RTN2: variants seen among roughly 807,000 people sequenced by gnomAD.
RTN2 encodes reticulon-2.
In RTN2, 36 loss-of-function variants were observed where a neutral mutation model predicts 63.7. That is an observed-to-expected ratio of 0.56 (90% CI 0.43 to 0.75). RTN2 has a LOEUF of 0.75. Among genes scored for constraint, RTN2 ranks in the 30% least tolerant of loss-of-function variants. The pLI is 0.00. For missense variants in RTN2, 673 were observed against 705.1 expected (o/e 0.95, Z 0.52); for synonymous variants, 312 against 313.0 (o/e 1.00, Z 0.03).
At position 45,486,076 on chromosome 19, in the gene RTN2, T is replaced by C. The variant is rs1272372658; in HGVS notation, c.1535A>G (p.Gln512Arg). 3 of 1,613,986 alleles carry C rather than the reference T, an allele frequency of 1.9e-6. No individual in the cohort carries two copies. In the Admixed American group the frequency reaches 5.0e-5, roughly 27 times the overall value. ...TTACTTAGCTTTGATGTGGCTCAAC[T>C]GATTGGTCACCAACCCCACATATTG... is the stretch of plus-strand genomic sequence containing the variant. ...IDQYVGLVTN[Q>R]LSHIKAKIRA... is the part of the protein sequence containing the mutation. The change falls in exon 10 of 11, where the codon CAG (glutamine) becomes CGG (arginine). Residue 512 changes from glutamine (Q) to arginine (R), a missense_variant. Gln to Arg is a conservative substitution (Grantham distance 43). Coordinates refer to ENST00000245923, the MANE Select transcript of RTN2 (RefSeq NM_005619.5).
At position 45,486,109 on chromosome 19, in the gene RTN2, T is replaced by G; in HGVS notation, c.1502A>C (p.Gln501Pro). The G allele has an allele frequency of 1.2e-6, 2 of 1,614,002 alleles. No individual in the cohort carries two copies. The highest frequency in any genetic ancestry group is 1.7e-6 in the Non-Finnish European group (2 of 1,179,920). ...CACCAACCCCACATATTGGTCGATC[T>G]GAGCCTGGGGAGACCAAAGAAAGGT... ...IPLLYRQHQAQIDQYVGLVTN... is the reference protein window; with the variant it reads ...IPLLYRQHQAPIDQYVGLVTN... Residue 501 changes from glutamine (Q) to proline (P), a missense_variant, in exon 10 of 11, where the codon CAG becomes CCG. Transcript: ENST00000245923.
At position 45,485,519 on chromosome 19, in the gene RTN2, A is replaced by T. The variant is rs781226645; in HGVS notation, c.*189T>A. On this transcript the variant is annotated 3_prime_UTR_variant, in exon 11 of 11. Coordinates refer to ENST00000245923, the MANE Select transcript of RTN2 (RefSeq NM_005619.5). ...CGTCTTTCCTGGACTCCTGGAGCAG[A>T]GCCTCTTGGGAAATGTAGTCCTGGT... The T allele has an allele frequency of 2.9e-5, 17 of 592,506 alleles. No individual in the cohort carries two copies. Among genetic ancestry groups the T allele is most frequent in the Non-Finnish European group, 5.1e-5 (17 of 331,766 alleles). 36.7% of individuals were successfully genotyped at this position (592,506 alleles called of 1,614,324 possible). A position where few individuals can be genotyped will look rare whatever the true frequency, so the allele number is the denominator to read the frequency against.
chr19:45,494,471 A>C lies in RTN2; in HGVS notation c.560-51T>G. 2 of 1,603,788 alleles carry C rather than the reference A, an allele frequency of 1.2e-6. No individual in the cohort carries two copies. The highest frequency in any genetic ancestry group is 1.7e-6 in the Non-Finnish European group (2 of 1,173,496). The stretch of plus-strand genomic sequence containing the variant: ...TGAGCTTTCTTCTTGGAGGTGCCCC[A>C]AGGAGAAACCACCCACCCCTCTTGG... On this transcript the variant is annotated intron_variant, in intron 3 of 10. Transcript: ENST00000245923. The surrounding 1 kb of genome is among the most constrained non-coding windows in gnomAD (Gnocchi z 5.3).
At chr19:45,490,535 CTGTGTGTGTGTG>C (rs56279132) in intron 5 of RTN2, among the ~76,000 whole-genome samples, 180 of 145,864 alleles carry the variant, frequency 1.2e-3, no homozygotes, top group Admixed American at 2.5e-3. Flanking sequence ...GGTTGTGTGT[CTGTGTGTGTGTG>C]TGTGTGTGTG....
intron 1 of RTN2, 160 bp downstream of exon 1, chr19:45,496,632 C>T: frequency 2.3e-6 from 1 of 434,360 alleles, no homozygotes; most frequent in Non-Finnish European, 4.0e-6. Context: ...CAGGCTACCC[C>T]CGTCGCCGCC....
At chr19:45,495,239 T>G in intron 1 of RTN2, 100 bp from the exon 2 acceptor site, 1 of 1,387,770 alleles carries the variant, frequency 7.2e-7, no homozygotes, top group Non-Finnish European at 1.0e-6. Flanking sequence ...ATCACGGGAT[T>G]TTTAGAACAT....
intron 5 of RTN2, among the ~76,000 whole-genome samples, chr19:45,491,332 C>G (rs940773642): frequency 6.7e-6 from 1 of 149,490 alleles, no homozygotes; most frequent in Non-Finnish European, 1.5e-5. Context: ...GCAGCTGGGA[C>G]TACAGGTGGC....
chr19:45,488,754 C>CA (rs760025245), intron 7 of RTN2, 48 bp from the exon 8 acceptor site: 20 of 1,603,812 alleles, frequency 1.2e-5, no homozygotes, highest in Non-Finnish European at 1.7e-5. Context: ...AATTCCCTCT[C>CA]ATGCTGTGAA....
In RTN2 at chr19:45,485,639, C is replaced by A. The variant is rs1384276914; in HGVS notation, c.*69G>T. ...GAGGAGGGGGGTGGGTGGGAACGGA[C>A]AAGAGATGGAGGGGGCCAGAGGGCT... On this transcript the variant is annotated 3_prime_UTR_variant, in exon 11 of 11. Transcript: ENST00000245923. 1 of 1,304,726 alleles carries A rather than the reference C, an allele frequency of 7.7e-7. No homozygotes were observed. The highest frequency in any genetic ancestry group is 1.1e-6 in the Non-Finnish European group (1 of 910,010). The allele number at this position is 1,304,726 out of a possible 1,614,324, so 80.8% of individuals were successfully genotyped here. A position where few individuals can be genotyped will look rare whatever the true frequency, so the allele number is the denominator to read the frequency against.
At chr19:45,493,451 G>C in intron 4 of RTN2, 73 bp from the exon 5 acceptor site, 1 of 1,145,700 alleles carries the variant, frequency 8.7e-7, no homozygotes. Context: ...TCAGGAAAAA[G>C]AGGGTTTTTG....
chr19:45,493,477 A>G (rs574238605), intron 4 of RTN2, 99 bp from the exon 5 acceptor site: 52 of 884,086 alleles, frequency 5.9e-5, no homozygotes, highest in Admixed American at 5.9e-4. Flanking sequence ...TTTTTCAAAT[A>G]GAGATCGAGT....
At position 45,495,085 on chromosome 19, in the gene RTN2, C is replaced by T; in HGVS notation, c.79+10G>A. ...GCCCTGAGCCCCTTCACATGCTCCC[C>T]ACCACTTACCTTCTGTGGAATCAGG... On this transcript the variant is annotated intron_variant, in intron 2 of 10. Coordinates refer to ENST00000245923, the MANE Select transcript of RTN2 (RefSeq NM_005619.5). 6.2e-7 allele frequency: 1 copy of T among 1,614,196 alleles called. No homozygotes were observed. Among genetic ancestry groups the T allele is most frequent in the Non-Finnish European group, 8.5e-7 (1 of 1,180,042 alleles).
At chr19:45,492,667 G>A (rs1460879138) in intron 5 of RTN2, among the ~76,000 whole-genome samples, 4 of 152,100 alleles carry the variant, frequency 2.6e-5, no homozygotes, top group Admixed American at 6.5e-5. Context: ...CCCTCCGACC[G>A]GTCCCTCTTA....
At chr19:45,490,535 C>CTGTCTGTGTGTG (rs1555797722) in intron 5 of RTN2, among the ~76,000 whole-genome samples, 1 of 145,766 alleles carries the variant, frequency 6.9e-6, no homozygotes, top group East Asian at 2.0e-4. Flanking sequence ...GGTTGTGTGT[C>CTGTCTGTGTGTG]TGTGTGTGTG....
At chr19:45,496,083 G>GAGGATC (rs113405907) in intron 1 of RTN2, among the ~76,000 whole-genome samples, 86,118 of 151,308 alleles carry the variant, frequency 0.57, 24,766 homozygotes, top group East Asian at 0.77. Context: ...CAGAGATTGT[G>GAGGATC]AGGCTAGGCG....
rs1968222060 is a variant in RTN2 at position 45,494,245 on chromosome 19, T to C, written c.735A>G (p.Pro245=). Residue 245 remains proline (P), a synonymous_variant, in exon 4 of 11, where the codon CCA becomes CCG. Coordinates refer to ENST00000245923, the MANE Select transcript of RTN2 (RefSeq NM_005619.5). This position sits in a 1 kb window ranked among gnomAD's most constrained non-coding sequence, Gnocchi z 5.3. ...GTCCCCTTACTGGCTCTCGCTCCAG[T>C]GGCCCCCACTGCTTTTCTTCCTCTT... The part of the protein sequence containing the change: ...LLEEEEKQWG[P]LEREPVRGQC... 6.2e-7 allele frequency: 1 copy of C among 1,613,126 alleles called. No homozygotes were observed. Among genetic ancestry groups the C allele is most frequent in the Non-Finnish European group, 8.5e-7 (1 of 1,180,006 alleles).
chr19:45,492,932 G>A (rs951941930), intron 5 of RTN2, among the ~76,000 whole-genome samples: 10 of 152,202 alleles, frequency 6.6e-5, no homozygotes, highest in African/African-American at 2.4e-4. Context: ...GAGGCTGGGG[G>A]AGGGGGTCCT....
intron 5 of RTN2, among the ~76,000 whole-genome samples, chr19:45,491,207 A>C (rs867710152): frequency 7.5e-6 from 1 of 132,858 alleles, no homozygotes; most frequent in Non-Finnish European, 1.6e-5. Context: ...TTTTTTTTTT[A>C]TTTTTAGAGG....
chr19:45,493,070 A>G, intron 5 of RTN2, 90 bp downstream of exon 5: 1 of 1,269,058 alleles, frequency 7.9e-7, no homozygotes, highest in South Asian at 1.2e-5. Context: ...GATCAGTAAT[A>G]AAAATGCTCC....
Sources: allele counts gnomAD v4.1 joint callset (sites outside exome capture counted in the v4.1 genomes callset), GRCh38; gene constraint gnomAD v4.1.1; non-coding constraint Gnocchi (gnomAD v3.1); transcripts MANE v1.5; gene names NCBI Gene and HGNC (gene_info 2026-07-23, HGNC 2026-07-21).